The following HP1BP3 variants were observed in gnomAD, a reference collection of about 807,000 sequenced individuals.
HP1BP3 encodes heterochromatin protein 1-binding protein 3.
HP1BP3 carries 12 observed loss-of-function variants against 62.5 expected under a neutral mutation model. The observed-to-expected ratio is 0.19, with a 90% confidence interval of 0.12 to 0.31. HP1BP3 has a LOEUF of 0.31. Ranked by LOEUF, HP1BP3 falls within the 10% of genes least tolerant of loss-of-function variation. The probability of loss-of-function intolerance (pLI) is 1.00; values close to 1 mark genes in which losing one functional copy is unlikely to be tolerated. For missense variants in HP1BP3, 502 were observed against 651.8 expected, an observed-to-expected ratio of 0.77 and a Z score of 2.50; for synonymous variants, 260 against 237.8, an observed-to-expected ratio of 1.09 and a Z score of -0.86.
chr1:20,751,160 T>C (rs910759297), intron 9 of HP1BP3, among the ~76,000 whole-genome samples: 2 of 152,122 alleles, frequency 1.3e-5, no homozygotes, highest in Admixed American at 6.5e-5. Flanking sequence ...CATTTTCTTT[T>C]CTCTAGCTTG....
chr1:20,741,187 A>C lies in HP1BP3; in HGVS notation c.*3610T>G, dbSNP rs2055073597. On this transcript the variant is annotated 3_prime_UTR_variant, in exon 13 of 13. Transcript: ENST00000438032. ...AAGAAAGATAAATTAATCAGGTTCC[A>C]AAGATAGGAGACCTTAACTATAATC... is the stretch of plus-strand genomic sequence containing the variant. Among the ~76,000 whole-genome samples the C allele has an allele frequency of 6.6e-6, 1 of 152,258 alleles. No homozygotes were observed. Among genetic ancestry groups the C allele is most frequent in the African/African-American group, 2.4e-5 (1 of 41,476 alleles).
intron 1 of HP1BP3, among the ~76,000 whole-genome samples, chr1:20,783,111 C>CAATAAT (rs139292183): frequency 8.7e-5 from 13 of 150,058 alleles, no homozygotes; most frequent in South Asian, 8.4e-4. Context: ...GACCTTGGCT[C>CAATAAT]AATAATAATA....
At chr1:20,750,943 G>A (rs1269829276) in intron 9 of HP1BP3, among the ~76,000 whole-genome samples, 4 of 148,106 alleles carry the variant, frequency 2.7e-5, no homozygotes, top group Non-Finnish European at 4.4e-5. Flanking sequence ...TCAACTTCCC[G>A]AGTAGCTGGG....
intron 4 of HP1BP3, chr1:20,775,065 TTACTA>T (rs2057242522): frequency 6.6e-6 from 1 of 152,040 alleles, no homozygotes; most frequent in African/African-American, 2.4e-5. Flanking sequence ...GTTTATGTGT[TTACTA>T]TACTATACTT....
intron 3 of HP1BP3, among the ~76,000 whole-genome samples, chr1:20,778,235 T>C (rs1427180007): frequency 2.0e-5 from 3 of 152,354 alleles, no homozygotes; most frequent in Middle Eastern, 6.8e-3. Context: ...TCAACAGATA[T>C]TGAATATGTA....
intron 8 of HP1BP3, among the ~76,000 whole-genome samples, chr1:20,758,527 T>C (rs1280047137): frequency 6.6e-6 from 1 of 152,148 alleles, no homozygotes; most frequent in African/African-American, 2.4e-5. Context: ...TTTGTACTTT[T>C]AGTAAAGACG....
chr1:20,747,226 CAA>C, intron 11 of HP1BP3, among the ~76,000 whole-genome samples: 1 of 152,200 alleles, frequency 6.6e-6, no homozygotes, highest in African/African-American at 2.4e-5. Flanking sequence ...GTCCCTTGAA[CAA>C]CACAGGTTGG....
rs2057493533 is a variant in HP1BP3 at position 20,780,430 on chromosome 1, T to C, written c.11A>G (p.Asp4Gly). Residue 4 changes from aspartate to glycine, a missense_variant, in exon 2 of 13, where the codon GAT becomes GGT. Around this residue, in one of 5 missense-constraint regions of HP1BP3, gnomAD observed 165 missense variants for 156.4 expected, o/e 1.05. Transcript: ENST00000438032. The part of the protein sequence containing the change: MAT[D>G]TSQGELVHPK... ...ATGGACGAGTTCACCTTGAGACGTA[T>C]CAGTCGCCATTTTAAATAATTTCTA... 1.2e-6 allele frequency: 2 copies of C among 1,612,230 alleles called. No homozygotes were observed. The highest frequency in any genetic ancestry group is 1.7e-6 in the Non-Finnish European group (2 of 1,178,258).
At chr1:20,746,186 A>ATGTGTGTGTGTGTGTGTGTG (rs35710978) in intron 11 of HP1BP3, among the ~76,000 whole-genome samples, 6 of 143,148 alleles carry the variant, frequency 4.2e-5, no homozygotes, top group South Asian at 2.2e-4. Flanking sequence ...ACATACATAT[A>ATGTGTGTGTGTGTGTGTGTG]TGTGTGTGTG....
Position 20,766,561 on chromosome 1 carries a change from T to C in HP1BP3, c.735+1023A>G, listed in dbSNP as rs1267401261. Among the ~76,000 whole-genome samples, 3 of 152,208 alleles carry C rather than the reference T, an allele frequency of 2.0e-5. No homozygotes were observed. In the East Asian group the frequency reaches 5.8e-4, roughly 29 times the overall value. On this transcript the variant is annotated intron_variant, in intron 7 of 12. Coordinates refer to ENST00000438032, the MANE Select transcript of HP1BP3 (RefSeq NM_001372052.1). Reference sequence around the variant, plus strand: ...CTTTACACAAATGAAATTATATGTGTTGGGAAGAAGAATGTTAGTATTTAC... The same window carrying C: ...CTTTACACAAATGAAATTATATGTGCTGGGAAGAAGAATGTTAGTATTTAC...
chr1:20,751,765 A>T (rs1570564599), intron 9 of HP1BP3, among the ~76,000 whole-genome samples: 1 of 152,034 alleles, frequency 6.6e-6, no homozygotes, highest in East Asian at 1.9e-4. Context: ...AGTATCATAC[A>T]AAAGAAAATT....
intron 11 of HP1BP3, 79 bp downstream of exon 11, chr1:20,747,465 A>G: frequency 9.8e-6 from 9 of 915,390 alleles, no homozygotes; most frequent in Non-Finnish European, 1.5e-5. Context: ...TAAAACAGTA[A>G]TAAGGGTAAA....
intron 8 of HP1BP3, among the ~76,000 whole-genome samples, chr1:20,763,009 T>C (rs900736342): frequency 2.0e-5 from 3 of 152,196 alleles, no homozygotes; most frequent in Non-Finnish European, 2.9e-5. Context: ...GCTTCGTGCC[T>C]TCCTGGCCGT....
At chr1:20,783,540 TA>T (rs145326681) in intron 1 of HP1BP3, among the ~76,000 whole-genome samples, 16 of 137,814 alleles carry the variant, frequency 1.2e-4, no homozygotes, top group East Asian at 2.1e-4. Context: ...AACAACAATT[TA>T]AAAAAAAAAC....
chr1:20,750,813 TCTC>T (rs1188413662), intron 9 of HP1BP3, among the ~76,000 whole-genome samples: 2,093 of 110,574 alleles, frequency 0.019, 19 homozygotes, highest in Non-Finnish European at 0.028. Flanking sequence ...ATATATTTTC[TCTC>T]TTTTTTTTTT....
At position 20,779,848 on chromosome 1, in the gene HP1BP3, T is replaced by C; in HGVS notation, c.160A>G (p.Lys54Glu). 6.2e-7 allele frequency: 1 copy of C among 1,613,554 alleles called. No homozygotes were observed. Among genetic ancestry groups the C allele is most frequent in the African/African-American group, 1.3e-5 (1 of 75,050 alleles). ...TCCTCCCCTTCAGCAAGCTTGCTTTTGGGAGGAGTTTCCCGGGTAGAATTC... is the reference window on the plus strand; with the variant it reads ...TCCTCCCCTTCAGCAAGCTTGCTTTCGGGAGGAGTTTCCCGGGTAGAATTC... The part of the protein sequence containing the change: ...TVNSTRETPP[K>E]SKLAEGEEEK... Residue 54 changes from lysine (K) to glutamate (E), a missense_variant, in exon 3 of 13, where the codon AAA becomes GAA. This residue lies in a region of HP1BP3 where 165 missense variants were observed against 156.4 expected (regional missense o/e 1.05). Coordinates refer to ENST00000438032, the MANE Select transcript of HP1BP3 (RefSeq NM_001372052.1).
At chr1:20,746,735 T>C (rs1308645670) in intron 11 of HP1BP3, among the ~76,000 whole-genome samples, 1 of 152,166 alleles carries the variant, frequency 6.6e-6, no homozygotes, top group Non-Finnish European at 1.5e-5. Flanking sequence ...CCACTTGGTA[T>C]TGGACAATTA....
At chr1:20,745,736 G>T in intron 11 of HP1BP3, 80 bp from the exon 12 acceptor site, 1 of 1,434,780 alleles carries the variant, frequency 7.0e-7, no homozygotes, top group Non-Finnish European at 9.6e-7. Context: ...GCTCTTACCT[G>T]GACATATCCC....
Position 20,773,773 on chromosome 1 carries a change from T to C in HP1BP3, c.351-163A>G, listed in dbSNP as rs570605517. On this transcript the variant is annotated intron_variant, in intron 4 of 12. Transcript: ENST00000438032. ...CAAAATTTTACAAAATAAATCTTCT[T>C]TAAAAACTGGGTACTATAAATGAAT... 5 of 461,476 alleles carry C rather than the reference T, an allele frequency of 1.1e-5. No homozygotes were observed. The East Asian group carries it at 1.4e-4, about 12-fold the overall frequency. 28.6% of individuals were successfully genotyped at this position (461,476 alleles called of 1,614,324 possible).
Sources: gnomAD v4.1 joint callset for allele counts (sites outside exome capture counted in the v4.1 genomes callset) on GRCh38, gnomAD v4.1.1 for gene constraint, gnomAD v4.1.1 regional missense constraint, MANE v1.5 for transcripts, NCBI Gene and HGNC (gene_info 2026-07-23, HGNC 2026-07-21) for gene names.